PDE10A: variants seen among roughly 807,000 people sequenced by gnomAD.
PDE10A encodes the protein cAMP and cAMP-inhibited cGMP 3',5'-cyclic phosphodiesterase 10A.
A neutral mutation model predicts 97.7 loss-of-function variants in PDE10A; 39 were observed. The observed-to-expected ratio is 0.40, with a 90% CI of 0.31 to 0.52. The LOEUF is 0.52. Ranked by LOEUF, PDE10A falls within the 20% of genes least tolerant of loss-of-function variation. The probability of loss-of-function intolerance (pLI) is 0.56; values close to 1 mark genes in which losing one functional copy is unlikely to be tolerated. For synonymous variants in PDE10A, 371 were observed against 376.8 expected (o/e 0.98, Z 0.18); for missense variants, 731 against 1,047.8 (o/e 0.70, Z 4.17).
intron 1 of PDE10A, among the ~76,000 whole-genome samples, chr6:165,841,529 G>C (rs1193226677): frequency 6.6e-6 from 1 of 152,242 alleles, no homozygotes; most frequent in Non-Finnish European, 1.5e-5. Flanking sequence ...CCAGCTCTGT[G>C]AGAAAGCAAC....
chr6:165,838,742 A>G (rs1015891503), intron 1 of PDE10A, among the ~76,000 whole-genome samples: 2 of 152,238 alleles, frequency 1.3e-5, no homozygotes, highest in African/African-American at 4.8e-5. Flanking sequence ...AATCACTGAA[A>G]CTTTTTCTTC....
intron 1 of PDE10A, among the ~76,000 whole-genome samples, chr6:165,550,671 T>C (rs1783969286): frequency 6.6e-6 from 1 of 152,214 alleles, no homozygotes; most frequent in South Asian, 2.1e-4. Context: ...TGTTTTGTTT[T>C]TTCCATCCAT....
In PDE10A at chr6:165,332,068, A is replaced by C. The variant is rs1314729416; in HGVS notation, c.*957T>G. ...GTATTTTAATTAAACAATGTTTAAAATAAACTTTTCATTGTGAATGAGAGT... is the reference window on the plus strand; with the variant it reads ...GTATTTTAATTAAACAATGTTTAAACTAAACTTTTCATTGTGAATGAGAGT... On this transcript the variant is annotated 3_prime_UTR_variant, in exon 22 of 22. Transcript: ENST00000539869. 1.3e-5 allele frequency: 2 copies of C among 152,232 alleles called. No individual in the cohort carries two copies. The highest frequency in any genetic ancestry group is 2.9e-5 in the Non-Finnish European group (2 of 68,034). The allele number at this position is 152,232 out of a possible 1,614,324, so 9.4% of individuals were successfully genotyped here. A position where few individuals can be genotyped will look rare whatever the true frequency, so the allele number is the denominator to read the frequency against.
At chr6:165,684,240 G>T (rs747682886) in intron 1 of PDE10A, among the ~76,000 whole-genome samples, 3 of 152,178 alleles carry the variant, frequency 2.0e-5, no homozygotes, top group Non-Finnish European at 4.4e-5. Context: ...CCAGAGGGCA[G>T]GGATATTTGT....
In PDE10A at chr6:165,911,760, C is replaced by A. The variant is rs114759420; in HGVS notation, c.-615+75769G>T. 3.5e-3 allele frequency among the ~76,000 whole-genome samples: 532 copies of A among 152,344 alleles called. 5 individuals carry two copies. The highest frequency in any genetic ancestry group is 0.012 in the African/African-American group (509 of 41,570). ...AAGACCCTTAGCTTGCCTTCCAGGC[C>A]TACCCCCAAGAGGGACTGAAGCACC... On this transcript the variant is annotated intron_variant, in intron 1 of 19. Transcript: ENST00000366882.
intron 2 of PDE10A, among the ~76,000 whole-genome samples, chr6:165,502,009 G>A (rs1251117384): frequency 6.6e-6 from 1 of 152,184 alleles, no homozygotes; most frequent in East Asian, 1.9e-4. Flanking sequence ...GTGAATTTAG[G>A]CAAAGATACC....
rs1380015573 is a variant in PDE10A at position 165,822,739 on chromosome 6, C to T, written c.-615+164790G>A. 2.0e-5 allele frequency among the ~76,000 whole-genome samples: 3 copies of T among 152,134 alleles called. No individual in the cohort carries two copies. In the East Asian group the frequency reaches 5.8e-4, roughly 29 times the overall value. On this transcript the variant is annotated intron_variant, in intron 1 of 19. Coordinates refer to the PDE10A transcript ENST00000366882. ...CTCGGACATGGCGTGCACTACTGTGCACTTTATCAACACTATACACTTAGG... is the reference window on the plus strand; with the variant it reads ...CTCGGACATGGCGTGCACTACTGTGTACTTTATCAACACTATACACTTAGG...
chr6:165,449,910 T>C (rs968241684), intron 4 of PDE10A, among the ~76,000 whole-genome samples: 1 of 152,178 alleles, frequency 6.6e-6, no homozygotes, highest in Non-Finnish European at 1.5e-5. Context: ...TTAAAATGCT[T>C]AGTCTCTCTT....
In PDE10A at chr6:165,943,148, A is replaced by C. The variant is rs1397362438; in HGVS notation, c.-615+44381T>G. ...GGGCAGGGGAGGCAAGAGAGGAGAG[A>C]GAGAGAGAGAGAGAAGAAAGAAAGA... On this transcript the variant is annotated intron_variant, in intron 1 of 19. Transcript: ENST00000366882. Among the ~76,000 whole-genome samples the C allele has an allele frequency of 2.9e-5, 4 of 136,590 alleles. No individual in the cohort carries two copies. The East Asian group carries it at 6.5e-4, about 22-fold the overall frequency. 89.6% of individuals were successfully genotyped at this position (136,590 alleles called of 152,430 possible).
At position 165,744,814 on chromosome 6, in the gene PDE10A, C is replaced by T. The variant is rs573759652; in HGVS notation, c.-614-201246G>A. On this transcript the variant is annotated intron_variant, in intron 1 of 19. Transcript: ENST00000366882. ...ATCCTGAACTCTGAAACATATCCAG[C>T]CCAGGGTTTTAAATATGGGATTATG... Among the ~76,000 whole-genome samples the T allele has an allele frequency of 4.0e-5, 6 of 150,698 alleles. No individual in the cohort carries two copies. In the South Asian group the frequency reaches 1.3e-3, roughly 32 times the overall value.
intron 1 of PDE10A, among the ~76,000 whole-genome samples, chr6:165,803,510 A>C (rs1436560907): frequency 1.3e-5 from 2 of 152,196 alleles, no homozygotes; most frequent in Non-Finnish European, 2.9e-5. Flanking sequence ...AACCATGTTC[A>C]TGTCTACATC....
chr6:165,604,406 G>T (rs1787108378), intron 1 of PDE10A, among the ~76,000 whole-genome samples: 1 of 151,646 alleles, frequency 6.6e-6, no homozygotes, highest in African/African-American at 2.4e-5. Context: ...TGGTCCAGCT[G>T]ACTAGCTGAC....
chr6:165,807,543 G>T (rs1291392642), intron 1 of PDE10A, among the ~76,000 whole-genome samples: 1 of 152,190 alleles, frequency 6.6e-6, no homozygotes, highest in African/African-American at 2.4e-5. Flanking sequence ...TGGGGGCCAG[G>T]ATGGCATGGG....
intron 1 of PDE10A, among the ~76,000 whole-genome samples, chr6:165,978,336 A>G (rs776361): frequency 6.6e-6 from 1 of 152,214 alleles, no homozygotes; most frequent in Non-Finnish European, 1.5e-5. Context: ...ACATTTTGCA[A>G]CTTTAGGCAG....
chr6:165,649,882 A>C (rs1031099416), intron 1 of PDE10A, among the ~76,000 whole-genome samples: 1 of 152,238 alleles, frequency 6.6e-6, no homozygotes, highest in Non-Finnish European at 1.5e-5. Flanking sequence ...CCAGTGGTTT[A>C]AACGATAGTT....
At chr6:165,443,127 A>AC (rs1178765088) in intron 5 of PDE10A, among the ~76,000 whole-genome samples, 2 of 151,372 alleles carry the variant, frequency 1.3e-5, no homozygotes, top group Non-Finnish European at 2.9e-5. Flanking sequence ...AAAAAAAAAA[A>AC]AAAAAAATGT....
chr6:165,499,662 T>C (rs1780750927), intron 2 of PDE10A, among the ~76,000 whole-genome samples: 1 of 152,226 alleles, frequency 6.6e-6, no homozygotes, highest in Non-Finnish European at 1.5e-5. Flanking sequence ...TTTATACTTT[T>C]ATAAAAGTCA....
At chr6:165,645,052 T>C (rs1789321638) in intron 1 of PDE10A, among the ~76,000 whole-genome samples, 1 of 152,254 alleles carries the variant, frequency 6.6e-6, no homozygotes, top group Non-Finnish European at 1.5e-5. Flanking sequence ...AGCCTGCTTC[T>C]GGTTTCTGCC....
At chr6:165,463,157 GAACAA>G (rs1174171626) in intron 3 of PDE10A, among the ~76,000 whole-genome samples, 1 of 152,156 alleles carries the variant, frequency 6.6e-6, no homozygotes, top group Non-Finnish European at 1.5e-5. Context: ...CAGCTGATCT[GAACAA>G]AACAGTCAGA....
Sources: allele counts gnomAD v4.1 joint callset (sites outside exome capture counted in the v4.1 genomes callset), GRCh38; gene constraint gnomAD v4.1.1; transcripts MANE v1.5; gene names NCBI Gene and HGNC (gene_info 2026-07-23, HGNC 2026-07-21).